The following SMU1 variants were observed in gnomAD, a reference collection of about 807,000 sequenced individuals.
SMU1 encodes the protein WD40 repeat-containing protein SMU1.
SMU1 carries 2 observed loss-of-function variants against 62.0 expected under a neutral mutation model. The observed-to-expected ratio is 0.03, with a 90% CI of 0.01 to 0.10. SMU1 has a LOEUF of 0.10. Among genes scored for constraint, SMU1 ranks in the 10% least tolerant of loss-of-function variants. SMU1 has a pLI of 1.00. For synonymous variants in SMU1, 188 were observed against 212.4 expected, an observed-to-expected ratio of 0.89 and a Z score of 1.00; for missense variants, 227 against 622.1, an observed-to-expected ratio of 0.36 and a Z score of 6.76.
Position 33,041,973 on chromosome 9 carries a change from G to A in SMU1, c.*5320C>T, listed in dbSNP as rs1173108647. The A allele has an allele frequency of 6.6e-6, 1 of 152,190 alleles. No individual in the cohort carries two copies. The highest frequency in any genetic ancestry group is 1.5e-5 in the Non-Finnish European group (1 of 68,024). 9.4% of individuals were successfully genotyped at this position (152,190 alleles called of 1,614,324 possible). On this transcript the variant is annotated 3_prime_UTR_variant, in exon 12 of 12. Coordinates refer to ENST00000397149, the MANE Select transcript of SMU1 (RefSeq NM_018225.3). ...GAGAAGTTAATTGACAATGTTACAG[G>A]GCTTCTGTTTAGGGTGATGACATTT...
intron 2 of SMU1, among the ~76,000 whole-genome samples, chr9:33,072,150 G>A (rs1266480760): frequency 2.6e-5 from 4 of 152,108 alleles, no homozygotes; most frequent in South Asian, 2.1e-4. Context: ...CCTGGCCAAC[G>A]TGGTGAAACA....
At chr9:33,068,389 C>G (rs935744834) in intron 4 of SMU1, among the ~76,000 whole-genome samples, 4 of 152,180 alleles carry the variant, frequency 2.6e-5, no homozygotes, top group Non-Finnish European at 5.9e-5. Context: ...TGGAACAGCA[C>G]AGTTACTGGA....
intron 2 of SMU1, among the ~76,000 whole-genome samples, chr9:33,072,430 T>C (rs1839496971): frequency 6.6e-6 from 1 of 152,182 alleles, no homozygotes; most frequent in South Asian, 2.1e-4. Flanking sequence ...GCTCAGAATG[T>C]AGATGCCAAA....
rs953001366 is a variant in SMU1 at position 33,042,154 on chromosome 9, C to A, written c.*5139G>T. 6.6e-6 allele frequency: 1 copy of A among 152,578 alleles called. No homozygotes were observed. The highest frequency in any genetic ancestry group is 1.9e-4 in the East Asian group (1 of 5,198). The allele number at this position is 152,578 out of a possible 1,614,324, so 9.5% of individuals were successfully genotyped here. A position where few individuals can be genotyped will look rare whatever the true frequency, so the allele number is the denominator to read the frequency against. On this transcript the variant is annotated 3_prime_UTR_variant, in exon 12 of 12. Transcript: ENST00000397149. ...TTGGTGCAAAAGTAATGTGCCATTACTTTTAATGGCAAAAACCGCAATTAC... is the reference window on the plus strand; with the variant it reads ...TTGGTGCAAAAGTAATGTGCCATTAATTTTAATGGCAAAAACCGCAATTAC...
At position 33,045,265 on chromosome 9, in the gene SMU1, C is replaced by T. The variant is rs940429982; in HGVS notation, c.*2028G>A. On this transcript the variant is annotated 3_prime_UTR_variant, in exon 12 of 12. Transcript: ENST00000397149. ...AAACTGTTTCCTCTAACTTAAACTT[C>T]TCTTAAGTGAACGTGTCTTTCCACT... 1 of 151,264 alleles carries T rather than the reference C, an allele frequency of 6.6e-6. No homozygotes were observed. Among genetic ancestry groups the T allele is most frequent in the Non-Finnish European group, 1.5e-5 (1 of 68,042 alleles). The allele number at this position is 151,264 out of a possible 1,614,324, so 9.4% of individuals were successfully genotyped here. A position where few individuals can be genotyped will look rare whatever the true frequency, so the allele number is the denominator to read the frequency against.
chr9:33,048,453 A>G (rs1018332797), intron 10 of SMU1, among the ~76,000 whole-genome samples, 195 bp from the exon 11 acceptor site: 3 of 152,358 alleles, frequency 2.0e-5, no homozygotes, highest in African/African-American at 7.2e-5. Context: ...AGTAATCTAA[A>G]CTAAGTGGCA....
At chr9:33,052,486 G>C (rs1160526852) in intron 10 of SMU1, among the ~76,000 whole-genome samples, 1 of 152,154 alleles carries the variant, frequency 6.6e-6, no homozygotes, top group Non-Finnish European at 1.5e-5. Flanking sequence ...ATCAGTTACA[G>C]AACTCAAAGA....
chr9:33,069,584 C>T (rs1011827514), intron 3 of SMU1, among the ~76,000 whole-genome samples: 8 of 152,116 alleles, frequency 5.3e-5, no homozygotes, highest in Non-Finnish European at 1.0e-4. Flanking sequence ...GCAGATCACC[C>T]GAGGTCAGGA....
intron 4 of SMU1, among the ~76,000 whole-genome samples, chr9:33,066,555 C>A (rs965911369): frequency 2.7e-5 from 4 of 146,904 alleles, no homozygotes; most frequent in African/African-American, 1.0e-4. Context: ...CGCCTGTAAT[C>A]CCAAAACTTT....
At chr9:33,057,410 T>C (rs1839314934) in intron 7 of SMU1, among the ~76,000 whole-genome samples, 188 bp downstream of exon 7, 1 of 152,220 alleles carries the variant, frequency 6.6e-6, no homozygotes, top group Admixed American at 6.5e-5. Flanking sequence ...GTATGTGACC[T>C]TAAATATGTT....
At chr9:33,071,276 T>C (rs1839483207) in intron 3 of SMU1, among the ~76,000 whole-genome samples, 1 of 152,042 alleles carries the variant, frequency 6.6e-6, no homozygotes, top group Admixed American at 6.6e-5. Flanking sequence ...ATACAGATAA[T>C]AACGTTTTGG....
intron 10 of SMU1, among the ~76,000 whole-genome samples, chr9:33,052,635 C>T (rs1318959251): frequency 1.3e-5 from 2 of 152,158 alleles, no homozygotes; most frequent in Non-Finnish European, 2.9e-5. Flanking sequence ...TTCTGACACC[C>T]CCAGTGCTAC....
At chr9:33,072,074 C>T (rs1839492871) in intron 2 of SMU1, among the ~76,000 whole-genome samples, 182 bp from the exon 3 acceptor site, 1 of 152,056 alleles carries the variant, frequency 6.6e-6, no homozygotes, top group Non-Finnish European at 1.5e-5. Flanking sequence ...TGGCTCATGC[C>T]TATAATCCTA....
intron 9 of SMU1, among the ~76,000 whole-genome samples, chr9:33,054,043 GGGAAGCCAAGGCGGGT>G (rs1839278640): frequency 6.6e-6 from 1 of 152,198 alleles, no homozygotes; most frequent in Non-Finnish European, 1.5e-5. Flanking sequence ...TCAGCACTTT[GGGAAGCCAAGGCGGGT>G]GGATCACTTG....
chr9:33,075,040 T>C (rs1839530161), intron 1 of SMU1, among the ~76,000 whole-genome samples: 1 of 152,174 alleles, frequency 6.6e-6, no homozygotes, highest in African/African-American at 2.4e-5. Flanking sequence ...CCCAAAGTGT[T>C]GAGATGACAG....
At chr9:33,074,636 G>GA (rs1393514119) in intron 1 of SMU1, among the ~76,000 whole-genome samples, 1 of 152,040 alleles carries the variant, frequency 6.6e-6, no homozygotes, top group East Asian at 1.9e-4. Context: ...TAAAACCTAT[G>GA]AGGTAAGTTT....
chr9:33,063,325 G>A lies in SMU1; in HGVS notation c.502-1148C>T, dbSNP rs1177650193. ...TGCAGTGAGCCAAGATCGCACCACT[G>A]CACTCCCAGCCTGGGCAACAGAGTG... On this transcript the variant is annotated intron_variant, in intron 4 of 11. Coordinates refer to ENST00000397149, the MANE Select transcript of SMU1 (RefSeq NM_018225.3). 2.0e-5 allele frequency among the ~76,000 whole-genome samples: 3 copies of A among 151,826 alleles called. No individual in the cohort carries two copies. The East Asian group carries it at 5.8e-4, about 29-fold the overall frequency.
intron 2 of SMU1, 48 bp downstream of exon 2, chr9:33,073,548 G>T: frequency 7.1e-7 from 1 of 1,410,214 alleles, no homozygotes; most frequent in Non-Finnish European, 9.9e-7. Context: ...TGGGGAGCTG[G>T]CCCACAACGA....
chr9:33,054,994 T>A (rs1233432950), intron 9 of SMU1, among the ~76,000 whole-genome samples: 3 of 152,158 alleles, frequency 2.0e-5, no homozygotes, highest in Admixed American at 2.0e-4. Flanking sequence ...ATTTACAAGT[T>A]GTGAGGCCCA....
Sources: gnomAD v4.1 joint callset for allele counts (sites outside exome capture counted in the v4.1 genomes callset) on GRCh38, gnomAD v4.1.1 for gene constraint, MANE v1.5 for transcripts, NCBI Gene and HGNC (gene_info 2026-07-23, HGNC 2026-07-21) for gene names.